MITF: variants seen among roughly 807,000 people sequenced by gnomAD.
MITF encodes the protein microphthalmia-associated transcription factor.
In MITF, 17 loss-of-function variants were observed where a neutral mutation model predicts 60.5. The observed-to-expected ratio is 0.28, with a 90% CI of 0.19 to 0.42. The LOEUF is 0.42. MITF is among the 10% of genes least tolerant of loss of function. The pLI is 1.00. For missense variants in MITF, 622 were observed against 683.5 expected (o/e 0.91, Z 1.00); for synonymous variants, 260 against 248.5 (o/e 1.05, Z -0.43).
intron 1 of MITF, among the ~76,000 whole-genome samples, chr3:69,860,597 C>CAA (rs1039213953): frequency 0.027 from 1,598 of 58,618 alleles, 60 homozygotes; most frequent in Non-Finnish European, 0.035. Context: ...GACTCCGTCT[C>CAA]AAAAAAAAAA....
intron 1 of MITF, among the ~76,000 whole-genome samples, chr3:69,837,345 A>AT (rs1339717628): frequency 6.6e-6 from 1 of 152,134 alleles, no homozygotes; most frequent in Non-Finnish European, 1.5e-5. Context: ...ATACCTTTTG[A>AT]TTTTTTAAGG....
At chr3:69,785,129 G>T (rs1409760832) in intron 1 of MITF, among the ~76,000 whole-genome samples, 2 of 151,836 alleles carry the variant, frequency 1.3e-5, no homozygotes, top group Non-Finnish European at 2.9e-5. Flanking sequence ...TGGCTGCAGA[G>T]CTGGGCTGAT....
At chr3:69,805,748 C>G (rs552163220) in intron 1 of MITF, among the ~76,000 whole-genome samples, 9 of 151,440 alleles carry the variant, frequency 5.9e-5, no homozygotes. Context: ...AACCTCCAAC[C>G]CCTGGCCTCA....
At chr3:69,780,371 A>G (rs890974613) in intron 1 of MITF, among the ~76,000 whole-genome samples, 1 of 152,196 alleles carries the variant, frequency 6.6e-6, no homozygotes, top group African/African-American at 2.4e-5. Context: ...TAAAATTACA[A>G]AGAAGATGCA....
Position 69,965,676 on chromosome 3 carries a change from G to T in MITF, c.*428G>T, listed in dbSNP as rs945164014. 7.9e-6 allele frequency: 2 copies of T among 253,110 alleles called. No individual in the cohort carries two copies. The highest frequency in any genetic ancestry group is 4.4e-5 in the African/African-American group (2 of 45,370). 15.7% of individuals were successfully genotyped at this position (253,110 alleles called of 1,614,324 possible). On this transcript the variant is annotated 3_prime_UTR_variant, in exon 10 of 10. Transcript: ENST00000352241. ...AAGAAAAAAAAAAAGAAAGAAAGAGGAAAAGAAATCCATACTAACCCTTTT... is the reference window on the plus strand; with the variant it reads ...AAGAAAAAAAAAAAGAAAGAAAGAGTAAAAGAAATCCATACTAACCCTTTT...
At chr3:69,855,855 C>A (rs889016351) in intron 1 of MITF, among the ~76,000 whole-genome samples, 3 of 152,060 alleles carry the variant, frequency 2.0e-5, no homozygotes, top group Non-Finnish European at 4.4e-5. Context: ...TTCTGACAGC[C>A]TTGATTTTTT....
intron 1 of MITF, among the ~76,000 whole-genome samples, chr3:69,812,203 T>G (rs957141886): frequency 1.3e-5 from 2 of 152,176 alleles, no homozygotes; most frequent in Non-Finnish European, 2.9e-5. Flanking sequence ...GTCTTAGCTC[T>G]GTCCCAAAAT....
At chr3:69,762,476 T>A (rs2062226585) in intron 1 of MITF, among the ~76,000 whole-genome samples, 2 of 152,228 alleles carry the variant, frequency 1.3e-5, no homozygotes, top group African/African-American at 4.8e-5. Context: ...ATGTTTAAGA[T>A]TTCCATTGAG....
At chr3:69,922,442 G>A (rs1425115013) in intron 2 of MITF, among the ~76,000 whole-genome samples, 6 of 152,034 alleles carry the variant, frequency 3.9e-5, no homozygotes, top group South Asian at 4.1e-4. Flanking sequence ...GGATGGTCTC[G>A]ATCTCTTGAC....
chr3:69,850,335 C>T (rs1317712253), intron 1 of MITF, among the ~76,000 whole-genome samples: 4 of 152,064 alleles, frequency 2.6e-5, no homozygotes, highest in Non-Finnish European at 5.9e-5. Flanking sequence ...AACCGTTTGG[C>T]AAGTGATACA....
At chr3:69,755,345 C>T (rs143031132) in intron 1 of MITF, among the ~76,000 whole-genome samples, 6 of 151,370 alleles carry the variant, frequency 4.0e-5, no homozygotes, top group African/African-American at 1.2e-4. Context: ...GACTTGGCAG[C>T]CTGTTTATAT....
intron 1 of MITF, among the ~76,000 whole-genome samples, chr3:69,810,061 G>T (rs1302245853): frequency 6.6e-6 from 1 of 152,020 alleles, no homozygotes; most frequent in Non-Finnish European, 1.5e-5. Context: ...TTCTTTTTCA[G>T]TTTTCTTGTA....
intron 2 of MITF, among the ~76,000 whole-genome samples, chr3:69,888,556 T>C (rs1487620655): frequency 6.6e-6 from 1 of 152,028 alleles, no homozygotes; most frequent in African/African-American, 2.4e-5. Flanking sequence ...AGACGTACAT[T>C]GACTTAGCAC....
At chr3:69,945,494 G>A (rs962342458) in intron 5 of MITF, among the ~76,000 whole-genome samples, 1 of 152,156 alleles carries the variant, frequency 6.6e-6, no homozygotes, top group Non-Finnish European at 1.5e-5. Flanking sequence ...GATGTTAACT[G>A]TATTTATCGG....
Position 69,966,629 on chromosome 3 carries a change from C to T in MITF, c.*1381C>T. ...CTGTTACTTGATAACAATGTTTTAA[C>T]AAGAAGCAATGTTATAAAGTTAGTT... On this transcript the variant is annotated 3_prime_UTR_variant, in exon 10 of 10. Transcript: ENST00000352241. 4.3e-6 allele frequency: 1 copy of T among 233,014 alleles called. No homozygotes were observed. The highest frequency in any genetic ancestry group is 8.5e-6 in the Non-Finnish European group (1 of 117,690). 14.4% of individuals were successfully genotyped at this position (233,014 alleles called of 1,614,324 possible).
intron 2 of MITF, among the ~76,000 whole-genome samples, chr3:69,884,299 A>C (rs1308337162): frequency 6.6e-6 from 1 of 152,130 alleles, no homozygotes; most frequent in Admixed American, 6.6e-5. Flanking sequence ...CCCTACCATC[A>C]GTTGCCTTTT....
intron 1 of MITF, among the ~76,000 whole-genome samples, chr3:69,852,221 G>C (rs906640929): frequency 6.6e-6 from 1 of 152,176 alleles, no homozygotes; most frequent in Non-Finnish European, 1.5e-5. Context: ...TATTCCCACA[G>C]AAAAGTATAC....
chr3:69,937,960 G>C lies in MITF; in HGVS notation c.493G>C (p.Gly165Arg), dbSNP rs1179298440. The change falls in exon 3 of 10, where the codon GGC (glycine) becomes CGC (arginine). Residue 165 changes from glycine to arginine, a missense_variant. Physicochemically the swap from Gly to Arg is moderately radical, Grantham distance 125. Around this residue, in one of 5 missense-constraint regions of MITF, gnomAD observed 215 missense variants for 224.8 expected, o/e 0.96. Coordinates refer to ENST00000352241, the MANE Select transcript of MITF (RefSeq NM_001354604.2). ...VLSLPCPNQPGDHVMPPVPGS... is the reference protein window; with the variant it reads ...VLSLPCPNQPRDHVMPPVPGS... ...GAGCTTGCCATGTCCAAACCAGCCT[G>C]GCGATCATGTCATGCCACCGGTGCC... 4 of 1,614,154 alleles carry C rather than the reference G, an allele frequency of 2.5e-6. No homozygotes were observed. The Admixed American group carries it at 5.0e-5, about 20-fold the overall frequency.
intron 2 of MITF, among the ~76,000 whole-genome samples, chr3:69,924,105 C>A (rs1575973267): frequency 6.6e-6 from 1 of 152,090 alleles, no homozygotes; most frequent in African/African-American, 2.4e-5. Context: ...TTCTGTATCC[C>A]CTGCACAAGT....
Sources: allele counts gnomAD v4.1 joint callset (sites outside exome capture counted in the v4.1 genomes callset), GRCh38; gene constraint gnomAD v4.1.1; regional missense constraint gnomAD v4.1.1; transcripts MANE v1.5; gene names NCBI Gene and HGNC (gene_info 2026-07-23, HGNC 2026-07-21).